The following STK33 variants were observed in gnomAD, a reference collection of about 807,000 sequenced individuals.
STK33 encodes the protein serine/threonine kinase 33, also known as serine/threonine-protein kinase 33.
STK33 carries 52 observed loss-of-function variants against 58.0 expected under a neutral mutation model. The observed-to-expected ratio is 0.90, with a 90% confidence interval of 0.72 to 1.13. The LOEUF (loss-of-function observed/expected upper bound fraction) is 1.13. Among genes scored for constraint, STK33 ranks in the 50% most tolerant of loss-of-function variants. The probability of loss-of-function intolerance (pLI) is 0.00; values close to 1 mark genes in which losing one functional copy is unlikely to be tolerated. For synonymous variants in STK33, 215 were observed against 200.1 expected (o/e 1.07, Z -0.63); for missense variants, 630 against 604.2 (o/e 1.04, Z -0.45).
chr11:8,462,476 T>C (rs868828458), intron 7 of STK33, among the ~76,000 whole-genome samples: 603 of 113,164 alleles, frequency 5.3e-3, no homozygotes, highest in Non-Finnish European at 7.0e-3. Flanking sequence ...CACACACATA[T>C]ATATATATAT....
chr11:8,591,058 G>C (rs1459421445), intron 1 of STK33, among the ~76,000 whole-genome samples: 1 of 152,154 alleles, frequency 6.6e-6, no homozygotes, highest in Non-Finnish European at 1.5e-5. Flanking sequence ...CTTTCAGAAG[G>C]ATACTTCTTC....
chr11:8,465,033 G>A, intron 6 of STK33: 1 of 340,510 alleles, frequency 2.9e-6, no homozygotes, highest in Non-Finnish European at 5.2e-6. Flanking sequence ...AGTGTCCTTT[G>A]GAGGAAAACC....
intron 6 of STK33, among the ~76,000 whole-genome samples, chr11:8,472,482 G>A (rs1161657614): frequency 3.9e-5 from 6 of 151,976 alleles, no homozygotes; most frequent in African/African-American, 1.5e-4. Context: ...GAGGCCCAAG[G>A]AGAGGGAGAG....
chr11:8,493,957 A>G (rs1950847849), intron 1 of STK33, among the ~76,000 whole-genome samples: 1 of 152,200 alleles, frequency 6.6e-6, no homozygotes, highest in Non-Finnish European at 1.5e-5. Context: ...TCAAAATAAT[A>G]AGAGCTATTT....
At chr11:8,360,383 G>A in the STK33 span, among the ~76,000 whole-genome samples, 1 of 152,224 alleles carries the variant, frequency 6.6e-6, no homozygotes, top group Non-Finnish European at 1.5e-5. Flanking sequence ...GAGAGGCTAG[G>A]CAGAAACACA....
chr11:8,336,384 A>G, the STK33 span, among the ~76,000 whole-genome samples: 3 of 152,326 alleles, frequency 2.0e-5, no homozygotes, highest in African/African-American at 7.2e-5. Context: ...ATCAGAGGAC[A>G]CCGTGGGGGC....
intron 1 of STK33, among the ~76,000 whole-genome samples, chr11:8,483,478 G>A (rs1949984851): frequency 6.6e-6 from 1 of 152,132 alleles, no homozygotes; most frequent in African/African-American, 2.4e-5. Context: ...GTACTGAAGA[G>A]CTGCAAAAAA....
the STK33 span, among the ~76,000 whole-genome samples, chr11:8,369,054 T>C: frequency 6.6e-6 from 1 of 152,066 alleles, no homozygotes; most frequent in Non-Finnish European, 1.5e-5. Context: ...GCGATACACA[T>C]CTCGGTTCAC....
chr11:8,438,488 C>T (rs557827789), intron 12 of STK33, among the ~76,000 whole-genome samples: 1 of 152,066 alleles, frequency 6.6e-6, no homozygotes, highest in Admixed American at 6.6e-5. Flanking sequence ...TATGTTTGTG[C>T]TCTTGATTAA....
chr11:8,554,657 G>A, intron 1 of STK33, among the ~76,000 whole-genome samples: 1 of 152,048 alleles, frequency 6.6e-6, no homozygotes, highest in East Asian at 1.9e-4. Context: ...CTGTTAGTAG[G>A]GATGTAAATT....
intron 1 of STK33, among the ~76,000 whole-genome samples, chr11:8,521,962 G>A (rs1025983522): frequency 7.9e-5 from 12 of 151,998 alleles, no homozygotes; most frequent in Non-Finnish European, 1.5e-4. Flanking sequence ...GTGATCATTA[G>A]AAAGTCAGGA....
chr11:8,360,844 T>C, the STK33 span, among the ~76,000 whole-genome samples: 1 of 152,248 alleles, frequency 6.6e-6, no homozygotes, highest in African/African-American at 2.4e-5. Flanking sequence ...CCTTTTGTGT[T>C]GCTAACCAGG....
At chr11:8,392,800 T>G (rs1424941814) in intron 15 of STK33, 90 bp from the exon 16 acceptor site, 2 of 1,363,056 alleles carry the variant, frequency 1.5e-6, no homozygotes, top group Admixed American at 2.0e-5. Context: ...GTCCAGGATT[T>G]GCAAGTTGGA....
chr11:8,531,508 G>A (rs1011594665), intron 1 of STK33, among the ~76,000 whole-genome samples: 2 of 152,216 alleles, frequency 1.3e-5, no homozygotes, highest in African/African-American at 2.4e-5. Flanking sequence ...AAATTACACT[G>A]TTTATCCAAG....
chr11:8,448,628 T>C (rs1945840195), intron 11 of STK33, among the ~76,000 whole-genome samples: 1 of 152,166 alleles, frequency 6.6e-6, no homozygotes, highest in South Asian at 2.1e-4. Context: ...ATATAAAAAT[T>C]AATTCAAGAT....
chr11:8,471,650 G>C (rs1948792469), intron 6 of STK33, among the ~76,000 whole-genome samples: 1 of 151,806 alleles, frequency 6.6e-6, no homozygotes, highest in Non-Finnish European at 1.5e-5. Flanking sequence ...ATATTTTATG[G>C]GGGAATAGAA....
rs764202970 is a variant in STK33, at chr11:8,454,852, C to A, written c.698-20G>T. On this transcript the variant is annotated intron_variant, in intron 9 of 15. Transcript: ENST00000687296. ...CAATATCTACCAAGAAAATAAACAA[C>A]AAATCAAATGAAATGAATAATGGAA... 2.6e-6 allele frequency: 4 copies of A among 1,514,972 alleles called. No homozygotes were observed. The highest frequency in any genetic ancestry group is 3.6e-6 in the Non-Finnish European group (4 of 1,126,094). The allele number at this position is 1,514,972 out of a possible 1,614,324, so 93.8% of individuals were successfully genotyped here.
At position 8,524,289 on chromosome 11, in the gene STK33, G is replaced by A. The variant is rs111551664; in HGVS notation, c.-465-43675C>T. Among the ~76,000 whole-genome samples, 857 of 151,518 alleles carry A rather than the reference G, an allele frequency of 5.7e-3. 7 individuals carry two copies. The highest frequency in any genetic ancestry group is 0.02 in the African/African-American group (808 of 41,274). The stretch of plus-strand genomic sequence containing the variant: ...ATGACCCTGCCAAATCCCCCTCTCC[G>A]AGAAACACCCAAGAACGATCAATAA... On this transcript the variant is annotated intron_variant, in intron 1 of 15. Coordinates refer to ENST00000687296, the MANE Select transcript of STK33 (RefSeq NM_001352389.2).
intron 1 of STK33, among the ~76,000 whole-genome samples, chr11:8,509,992 T>C (rs561540498): frequency 6.6e-6 from 1 of 152,272 alleles, no homozygotes; most frequent in African/African-American, 2.4e-5. Context: ...TTTTATATAA[T>C]GACTTCCTTT....
Sources: gnomAD v4.1 joint callset for allele counts (sites outside exome capture counted in the v4.1 genomes callset) on GRCh38, gnomAD v4.1.1 for gene constraint, MANE v1.5 for transcripts, NCBI Gene and HGNC (gene_info 2026-07-23, HGNC 2026-07-21) for gene names.